ESR1: variants seen among roughly 807,000 people sequenced by gnomAD.
ESR1 encodes the protein estrogen receptor 1.
In ESR1, 12 loss-of-function variants were observed where a neutral mutation model predicts 52.7. That is an observed-to-expected ratio of 0.23 (90% CI 0.15 to 0.37). The LOEUF is 0.37. Ranked by LOEUF, ESR1 falls within the 10% of genes least tolerant of loss-of-function variation. ESR1 has a pLI of 1.00. For synonymous variants in ESR1, 305 were observed against 316.8 expected (o/e 0.96, Z 0.39); for missense variants, 584 against 779.7 (o/e 0.75, Z 2.99).
At chr6:152,055,498 AAAG>A (rs1221563719) in intron 5 of ESR1, among the ~76,000 whole-genome samples, 2 of 152,212 alleles carry the variant, frequency 1.3e-5, no homozygotes, top group Admixed American at 6.5e-5. Flanking sequence ...CTTTGTAAAC[AAAG>A]AAGATTTACT....
intron 4 of ESR1, among the ~76,000 whole-genome samples, chr6:151,945,167 A>G (rs925700985): frequency 3.3e-5 from 5 of 152,154 alleles, no homozygotes; most frequent in African/African-American, 1.2e-4. Flanking sequence ...ACAGTGAACC[A>G]TGTTTGTGTG....
At chr6:152,105,775 CTTT>C (rs71017522), downstream of ESR1, among the ~76,000 whole-genome samples, 1,404 of 79,228 alleles carry the variant, frequency 0.018, no homozygotes, top group Middle Eastern at 0.069. Flanking sequence ...CAGTATGCAT[CTTT>C]TTTTTTTTTT....
At chr6:151,875,865 G>T (rs957135184) in intron 2 of ESR1, among the ~76,000 whole-genome samples, 4 of 152,146 alleles carry the variant, frequency 2.6e-5, no homozygotes, top group African/African-American at 4.8e-5. Flanking sequence ...AACTGTGAAG[G>T]CATTGCATTT....
intron 1 of ESR1, among the ~76,000 whole-genome samples, chr6:151,666,408 G>A (rs1031379339): frequency 6.6e-6 from 1 of 152,164 alleles, no homozygotes; most frequent in African/African-American, 2.4e-5. Flanking sequence ...GCATGTTCCT[G>A]TTCTCTGGTA....
rs375464535 is a variant in ESR1 at position 151,850,030 on chromosome 6, A to T, written c.643+7243A>T. 1.0e-4 allele frequency among the ~76,000 whole-genome samples: 8 copies of T among 77,884 alleles called. No homozygotes were observed. In the South Asian group the frequency reaches 1.2e-3, roughly 12 times the overall value. 51.1% of individuals were successfully genotyped at this position (77,884 alleles called of 152,430 possible). On this transcript the variant is annotated intron_variant, in intron 2 of 7. Coordinates refer to ENST00000206249, the MANE Select transcript of ESR1 (RefSeq NM_000125.4). ...TAATTTTGTATATATATACAAAATTATATATATATATAATTTTATATATAT... is the reference window on the plus strand; with the variant it reads ...TAATTTTGTATATATATACAAAATTTTATATATATATAATTTTATATATAT...
At chr6:151,989,257 A>G (rs1230385282) in intron 4 of ESR1, among the ~76,000 whole-genome samples, 1 of 152,122 alleles carries the variant, frequency 6.6e-6, no homozygotes, top group Non-Finnish European at 1.5e-5. Context: ...CTCTCTTGTA[A>G]GTATTGTCTA....
chr6:151,847,868 T>A (rs1785424852), intron 2 of ESR1, among the ~76,000 whole-genome samples: 2 of 151,830 alleles, frequency 1.3e-5, no homozygotes, highest in African/African-American at 2.4e-5. Flanking sequence ...GTTTTTATGG[T>A]TTTAGTTGGT....
At chr6:151,686,279 G>A (rs1272028380), upstream of ESR1, among the ~76,000 whole-genome samples, 2 of 151,982 alleles carry the variant, frequency 1.3e-5, no homozygotes, top group South Asian at 2.1e-4. Context: ...CTGAGTAAAA[G>A]ACAGTATACA....
chr6:151,893,251 A>C (rs1246702993), intron 3 of ESR1, among the ~76,000 whole-genome samples: 1 of 152,174 alleles, frequency 6.6e-6, no homozygotes, highest in African/African-American at 2.4e-5. Context: ...CAGGAGGCTG[A>C]GGCAGGGAAA....
chr6:151,713,900 C>T (rs1376692676), intron 2 of ESR1, among the ~76,000 whole-genome samples: 6 of 151,946 alleles, frequency 3.9e-5, no homozygotes, highest in South Asian at 2.1e-4. Context: ...TGTGTTTGCT[C>T]TTGCTTCTCT....
intron 3 of ESR1, among the ~76,000 whole-genome samples, chr6:151,937,877 A>C (rs558463747): frequency 6.6e-6 from 1 of 152,236 alleles, no homozygotes; most frequent in South Asian, 2.1e-4. Context: ...AGTTAATCTG[A>C]ACTTCTTTCT....
At chr6:151,744,193 A>C (rs1384952101) in intron 2 of ESR1, among the ~76,000 whole-genome samples, 1 of 152,094 alleles carries the variant, frequency 6.6e-6, no homozygotes, top group Non-Finnish European at 1.5e-5. Context: ...CTATGTGCAA[A>C]GTTTCTGTAT....
At chr6:151,686,492 C>T (rs113201587), upstream of ESR1, among the ~76,000 whole-genome samples, 7,957 of 152,150 alleles carry the variant, frequency 0.052, 551 homozygotes, top group East Asian at 0.32. Context: ...GAGACCATCC[C>T]GGCTAACATG....
intron 1 of ESR1, among the ~76,000 whole-genome samples, chr6:151,669,411 T>C (rs765710230): frequency 6.6e-6 from 1 of 151,986 alleles, no homozygotes. Context: ...AGGACAATGA[T>C]GTCCTCGAGA....
intron 5 of ESR1, among the ~76,000 whole-genome samples, chr6:152,040,572 T>A (rs1305069553): frequency 2.0e-5 from 3 of 152,194 alleles, no homozygotes; most frequent in African/African-American, 4.8e-5. Context: ...TGAATCAGTA[T>A]ATAATCACAC....
chr6:152,054,547 C>T (rs2046950864), intron 5 of ESR1, among the ~76,000 whole-genome samples: 2 of 152,056 alleles, frequency 1.3e-5, no homozygotes, highest in South Asian at 4.2e-4. Context: ...TTAGTCACAA[C>T]AAAAGTGTTT....
At chr6:152,120,143 G>T (rs1019452396) in intron 6 of ESR1, among the ~76,000 whole-genome samples, 1 of 152,208 alleles carries the variant, frequency 6.6e-6, no homozygotes, top group African/African-American at 2.4e-5. Flanking sequence ...CAGTGATGTG[G>T]AGAAGAAATG....
chr6:151,708,444 A>G (rs1259692171), intron 2 of ESR1, among the ~76,000 whole-genome samples: 1 of 152,148 alleles, frequency 6.6e-6, no homozygotes, highest in Non-Finnish European at 1.5e-5. Context: ...TCCCAGGAGT[A>G]GAATTGCTGG....
intron 4 of ESR1, among the ~76,000 whole-genome samples, chr6:151,957,079 G>A (rs1036037584): frequency 6.6e-5 from 10 of 151,424 alleles, no homozygotes; most frequent in Non-Finnish European, 1.0e-4. Flanking sequence ...GGCTTTCACT[G>A]TGTTAGCCAG....
Sources: gnomAD v4.1 joint callset for allele counts (sites outside exome capture counted in the v4.1 genomes callset) on GRCh38, gnomAD v4.1.1 for gene constraint, MANE v1.5 for transcripts, NCBI Gene and HGNC (gene_info 2026-07-23, HGNC 2026-07-21) for gene names.